The following SREBF2 variants were observed in gnomAD, a reference collection of about 807,000 sequenced individuals.
SREBF2 encodes the protein sterol regulatory element binding transcription factor 2.
SREBF2 carries 55 observed loss-of-function variants against 113.1 expected under a neutral mutation model. That is an observed-to-expected ratio of 0.49 (90% CI 0.39 to 0.61). The LOEUF (loss-of-function observed/expected upper bound fraction) is 0.61. Among genes scored for constraint, SREBF2 ranks in the 20% least tolerant of loss-of-function variants. The pLI is 0.00. For missense variants in SREBF2, 1,349 were observed against 1,487.4 expected, an observed-to-expected ratio of 0.91 and a Z score of 1.53; for synonymous variants, 593 against 605.7, an observed-to-expected ratio of 0.98 and a Z score of 0.31.
chr22:41,888,317 T>C (rs1267910360), intron 11 of SREBF2, among the ~76,000 whole-genome samples: 1 of 152,166 alleles, frequency 6.6e-6, no homozygotes, highest in Non-Finnish European at 1.5e-5. Flanking sequence ...TTTATAAGAG[T>C]TGGAGGTAGG....
At position 41,833,168 on chromosome 22, in the gene SREBF2, G is replaced by A. The variant is rs986907211; in HGVS notation, c.-103G>A. The A allele has an allele frequency of 3.9e-5, 34 of 875,804 alleles. No individual in the cohort carries two copies. Among genetic ancestry groups the A allele is most frequent in the Middle Eastern group, 6.7e-4 (2 of 2,970 alleles). 54.3% of individuals were successfully genotyped at this position (875,804 alleles called of 1,614,324 possible). A position where few individuals can be genotyped will look rare whatever the true frequency, so the allele number is the denominator to read the frequency against. On this transcript the variant is annotated 5_prime_UTR_variant, in exon 1 of 19. The change creates a new upstream start codon in the 5' untranslated region. Transcript: ENST00000361204. The surrounding 1 kb of genome is among the most constrained non-coding windows in gnomAD (Gnocchi z 4.1). ...GCGGGTGGCACCCGTCGGTGAGGCG[G>A]TGCCGGGCGGGGGTTGTCGGGTGTC...
At position 41,869,255 on chromosome 22, in the gene SREBF2, C is replaced by T. The variant is rs1338835429; in HGVS notation, c.720+463C>T. 2.0e-5 allele frequency among the ~76,000 whole-genome samples: 3 copies of T among 151,900 alleles called. No homozygotes were observed. In the East Asian group the frequency reaches 5.8e-4, roughly 30 times the overall value. On this transcript the variant is annotated intron_variant, in intron 3 of 18. Coordinates refer to ENST00000361204, the MANE Select transcript of SREBF2 (RefSeq NM_004599.4). The stretch of plus-strand genomic sequence containing the variant: ...GAGTAGCTGGGACTACAGGCATGTG[C>T]CACCACACCCGGCTAATTTTTATAT...
Position 41,866,977 on chromosome 22 carries a change from A to G in SREBF2, c.235A>G (p.Ser79Gly), listed in dbSNP as rs62636525. The G allele has an allele frequency of 1.2e-6, 2 of 1,614,200 alleles. No homozygotes were observed. The highest frequency in any genetic ancestry group is 1.7e-6 in the Non-Finnish European group (2 of 1,180,038). ...SSSSSSNGRGSSSGAVDPSVQ... is the reference protein window; with the variant it reads ...SSSSSSNGRGGSSGAVDPSVQ... ...CAGCAGCAGCAGCAATGGCAGGGGC[A>G]GCAGCAGCGGAGCTGTGGACCCTTC... The change falls in exon 2 of 19, where the codon AGC becomes GGC. Residue 79 changes from serine (S) to glycine (G), a missense_variant. By Grantham distance (56) the Ser-to-Gly change is moderately conservative. Coordinates refer to ENST00000361204, the MANE Select transcript of SREBF2 (RefSeq NM_004599.4).
chr22:41,877,905 C>T, intron 8 of SREBF2, 37 bp from the exon 9 acceptor site: 2 of 1,613,478 alleles, frequency 1.2e-6, no homozygotes, highest in Middle Eastern at 1.6e-4. Context: ...TCCGCAAGGC[C>T]TTTCCTAGCA....
intron 10 of SREBF2, 29 bp from the exon 11 acceptor site, chr22:41,884,813 A>C (rs1293720870): frequency 7.3e-5 from 118 of 1,613,896 alleles, no homozygotes; most frequent in Non-Finnish European, 1.0e-4. Context: ...GGCTCCATCA[A>C]CAATAGTGTC....
chr22:41,833,680 C>G lies in SREBF2; in HGVS notation c.88+322C>G, dbSNP rs940538718. 1.7e-5 allele frequency: 4 copies of G among 242,264 alleles called. No individual in the cohort carries two copies. Among genetic ancestry groups the G allele is most frequent in the African/African-American group, 9.0e-5 (4 of 44,334 alleles). 15.0% of individuals were successfully genotyped at this position (242,264 alleles called of 1,614,324 possible). A position where few individuals can be genotyped will look rare whatever the true frequency, so the allele number is the denominator to read the frequency against. On this transcript the variant is annotated intron_variant, in intron 1 of 18. Coordinates refer to ENST00000361204, the MANE Select transcript of SREBF2 (RefSeq NM_004599.4). The surrounding 1 kb of genome is among the most constrained non-coding windows in gnomAD (Gnocchi z 4.1). Reference sequence around the variant, plus strand: ...GCCTAAGGAGAGCGCGTGGCCGCCGCCTCCCTCGCGCGCCCACACGCGGTT... The same window carrying G: ...GCCTAAGGAGAGCGCGTGGCCGCCGGCTCCCTCGCGCGCCCACACGCGGTT...
chr22:41,836,157 G>A (rs775633433), intron 1 of SREBF2, among the ~76,000 whole-genome samples: 5 of 152,188 alleles, frequency 3.3e-5, no homozygotes, highest in South Asian at 2.1e-4. Flanking sequence ...GTTATATACC[G>A]CACAAGGAAG....
At position 41,905,529 on chromosome 22, in the gene SREBF2, C is replaced by T; in HGVS notation, c.3295C>T (p.Pro1099Ser). Residue 1099 changes from proline (P) to serine (S), a missense_variant, in exon 19 of 19, where the codon CCG (proline) becomes TCG (serine). Pro to Ser is a moderately conservative substitution (Grantham distance 74). Coordinates refer to ENST00000361204, the MANE Select transcript of SREBF2 (RefSeq NM_004599.4). ...CCTGCCCCTCTCCTTCCTCTCCTCC[C>T]CGGGCCAGCGGGCAGTGCTGCTGGC... ...RHLPLSFLSS[P>S]GQRAVLLAEA... 4 of 1,587,494 alleles carry T rather than the reference C, an allele frequency of 2.5e-6. No individual in the cohort carries two copies. The South Asian group carries it at 4.6e-5, about 18-fold the overall frequency.
At chr22:41,861,027 G>T (rs2077022084) in intron 1 of SREBF2, among the ~76,000 whole-genome samples, 1 of 152,216 alleles carries the variant, frequency 6.6e-6, no homozygotes, top group African/African-American at 2.4e-5. Context: ...GTCTGTAATG[G>T]TTGACACTGA....
rs541399412 is a variant in SREBF2, at chr22:41,836,479, G to C, written c.88+3121G>C. On this transcript the variant is annotated intron_variant, in intron 1 of 18. Transcript: ENST00000361204. The stretch of plus-strand genomic sequence containing the variant: ...TGACCTGGGCCTTGGAGGACAAAAA[G>C]AGTTGGGCATGCTGAAGGTCAGTGG... 9.8e-5 allele frequency among the ~76,000 whole-genome samples: 15 copies of C among 152,342 alleles called. No homozygotes were observed. In the East Asian group the frequency reaches 2.9e-3, roughly 29 times the overall value.
At chr22:41,878,804 A>G (rs1490848238) in intron 9 of SREBF2, 4 of 1,185,726 alleles carry the variant, frequency 3.4e-6, no homozygotes, top group African/African-American at 1.6e-5. Flanking sequence ...CTGCAGGGCC[A>G]TTAGTGAGAA....
chr22:41,846,570 A>G (rs926692995), intron 1 of SREBF2, among the ~76,000 whole-genome samples: 19 of 152,234 alleles, frequency 1.2e-4, no homozygotes, highest in Non-Finnish European at 4.4e-5. Flanking sequence ...TGCCTCTGAA[A>G]TAAAAGCAGT....
chr22:41,851,735 T>C (rs2148354169), intron 1 of SREBF2, among the ~76,000 whole-genome samples: 1 of 151,340 alleles, frequency 6.6e-6, no homozygotes, highest in South Asian at 2.1e-4. Context: ...CTGCAGGTGA[T>C]CCACCCGCCT....
chr22:41,867,581 C>T (rs1039279960), intron 2 of SREBF2, among the ~76,000 whole-genome samples: 3 of 152,054 alleles, frequency 2.0e-5, no homozygotes, highest in Non-Finnish European at 2.9e-5. Context: ...CCAAGGCGGG[C>T]GGATCACGAG....
intron 11 of SREBF2, 117 bp from the exon 12 acceptor site, chr22:41,893,000 G>C: frequency 7.8e-7 from 1 of 1,286,472 alleles, no homozygotes; most frequent in Admixed American, 1.7e-5. Flanking sequence ...TCCCTGTGCT[G>C]ATCTTTCCCA....
intron 14 of SREBF2, 25 bp downstream of exon 14, chr22:41,897,186 G>A (rs779209295): frequency 6.5e-7 from 1 of 1,535,364 alleles, no homozygotes; most frequent in South Asian, 1.1e-5. Context: ...GTGGCCCACA[G>A]TCTCAGGGTG....
intron 1 of SREBF2, among the ~76,000 whole-genome samples, chr22:41,866,324 G>A (rs1054582590): frequency 6.6e-6 from 1 of 152,218 alleles, no homozygotes; most frequent in Non-Finnish European, 1.5e-5. Context: ...GCTGAGGTGG[G>A]TGGATCACCT....
At chr22:41,894,677 C>T (rs1763616281) in intron 12 of SREBF2, 143 bp from the exon 13 acceptor site, 1 of 790,680 alleles carries the variant, frequency 1.3e-6, no homozygotes, top group African/African-American at 1.7e-5. Flanking sequence ...AACTGTTTAG[C>T]ACAGTAGTTC....
At position 41,880,770 on chromosome 22, in the gene SREBF2, C is replaced by T. The variant is rs760161333; in HGVS notation, c.1816C>T (p.Arg606Trp). 5 of 1,614,164 alleles carry T rather than the reference C, an allele frequency of 3.1e-6. No individual in the cohort carries two copies. Among genetic ancestry groups the T allele is most frequent in the East Asian group, 2.2e-5 (1 of 44,884 alleles). ...NLQTCLAVLG[R>W]ALPTSRLDLA... Reference sequence around the variant, plus strand: ...ACAAACCTGCCTGGCAGTTTTGGGCCGGGCACTGCCCACCTCCCGCCTGGA... The same window carrying T: ...ACAAACCTGCCTGGCAGTTTTGGGCTGGGCACTGCCCACCTCCCGCCTGGA... Residue 606 changes from arginine to tryptophan, a missense_variant, in exon 10 of 19, where the codon CGG (arginine) becomes TGG (tryptophan). Physicochemically the swap from Arg to Trp is moderately radical, Grantham distance 101. Around this residue, in one of 2 missense-constraint regions of SREBF2, gnomAD observed 699 missense variants for 843.3 expected, o/e 0.83. Coordinates refer to ENST00000361204, the MANE Select transcript of SREBF2 (RefSeq NM_004599.4).
Sources: gnomAD v4.1 joint callset for allele counts (sites outside exome capture counted in the v4.1 genomes callset) on GRCh38, gnomAD v4.1.1 for gene constraint, gnomAD v4.1.1 regional missense constraint, Gnocchi (gnomAD v3.1) non-coding constraint, MANE v1.5 for transcripts, NCBI Gene and HGNC (gene_info 2026-07-23, HGNC 2026-07-21) for gene names.